Variants in MTX2 observed in about 807,000 individuals in gnomAD.
The protein encoded by MTX2 is metaxin-2.
A neutral mutation model predicts 42.3 loss-of-function variants in MTX2; 35 were observed. That is an observed-to-expected ratio of 0.83 (90% CI 0.63 to 1.10). MTX2 has a LOEUF of 1.10. Among genes scored for constraint, MTX2 ranks in the 50% least tolerant of loss-of-function variants. The pLI, the probability that MTX2 is intolerant of heterozygous loss-of-function variation, is 0.00. For missense variants in MTX2, 307 were observed against 304.1 expected (o/e 1.01, Z -0.07); for synonymous variants, 119 against 100.9 (o/e 1.18, Z -1.08).
In MTX2 at chr2:176,296,905, A is replaced by G; in HGVS notation, c.86A>G (p.Lys29Arg). 1.2e-6 allele frequency: 2 copies of G among 1,612,890 alleles called. No individual in the cohort carries two copies. Among genetic ancestry groups the G allele is most frequent in the East Asian group, 2.2e-5 (1 of 44,832 alleles). Reference protein sequence around the residue: ...PENATLYQQLKGEQILLSDNA... With the variant: ...PENATLYQQLRGEQILLSDNA... ...AATGCTACATTATATCAGCAATTGA[A>G]AGGTAAGTCTTGTTCACAATTAAAA... Residue 29 changes from lysine (K) to arginine (R), a missense_variant and splice_region_variant, in exon 2 of 10, where the codon AAA becomes AGA. Transcript: ENST00000249442.
chr2:176,304,527 C>A (rs11895720), intron 3 of MTX2, among the ~76,000 whole-genome samples: 40,456 of 151,770 alleles, frequency 0.27, 5,715 homozygotes, highest in African/African-American at 0.34. Context: ...CCTTAGATAC[C>A]TTATTTCAAT....
intron 1 of MTX2, among the ~76,000 whole-genome samples, chr2:176,296,269 T>TG (rs1683878628): frequency 6.6e-6 from 1 of 152,072 alleles, no homozygotes; most frequent in African/African-American, 2.4e-5. Context: ...ATTGTGTTTG[T>TG]GGGGTGGTGT....
intron 3 of MTX2, among the ~76,000 whole-genome samples, chr2:176,300,011 C>T (rs1161515814): frequency 6.6e-6 from 1 of 151,826 alleles, no homozygotes; most frequent in East Asian, 1.9e-4. Context: ...TAGCTATTTC[C>T]CCTTAGATTT....
chr2:176,304,953 C>T (rs1007150979), intron 3 of MTX2, among the ~76,000 whole-genome samples: 4 of 151,992 alleles, frequency 2.6e-5, no homozygotes, highest in South Asian at 2.1e-4. Flanking sequence ...GTGTTTATAA[C>T]GCCTTGAATC....
At chr2:176,319,038 C>G (rs553153982) in intron 3 of MTX2, among the ~76,000 whole-genome samples, 1 of 152,112 alleles carries the variant, frequency 6.6e-6, no homozygotes, top group Non-Finnish European at 1.5e-5. Context: ...ATAGGATGTG[C>G]TAAGTGTTTT....
chr2:176,270,496 TA>T, intron 1 of MTX2: 1 of 1,050,276 alleles, frequency 9.5e-7, no homozygotes, highest in Non-Finnish European at 1.3e-6. Flanking sequence ...GTGAGGAGAC[TA>T]AACATAGGTA....
intron 8 of MTX2, 74 bp from the exon 9 acceptor site, chr2:176,330,510 A>C: frequency 9.5e-7 from 1 of 1,050,434 alleles, no homozygotes. Flanking sequence ...ACTGTGATAC[A>C]AGTTACGTTT....
intron 1 of MTX2, among the ~76,000 whole-genome samples, chr2:176,279,903 C>T (rs886945495): frequency 6.6e-6 from 1 of 151,976 alleles, no homozygotes; most frequent in Non-Finnish European, 1.5e-5. Flanking sequence ...TTACAGAGTG[C>T]AGATTATAGA....
At chr2:176,287,369 TG>T (rs957887147) in intron 1 of MTX2, among the ~76,000 whole-genome samples, 2 of 152,198 alleles carry the variant, frequency 1.3e-5, no homozygotes, top group African/African-American at 4.8e-5. Flanking sequence ...ATCCCCAATT[TG>T]AAAGTCCAAA....
chr2:176,312,333 A>G (rs1684335441), intron 3 of MTX2, among the ~76,000 whole-genome samples: 1 of 152,180 alleles, frequency 6.6e-6, no homozygotes, highest in Non-Finnish European at 1.5e-5. Context: ...TATGCCAAGG[A>G]CTAAAGTAGT....
chr2:176,285,245 C>T (rs1463951420), intron 1 of MTX2, among the ~76,000 whole-genome samples: 1 of 152,030 alleles, frequency 6.6e-6, no homozygotes, highest in Non-Finnish European at 1.5e-5. Flanking sequence ...GTGTCTACCT[C>T]ATAAAGTTGT....
chr2:176,289,221 T>G (rs1411844016), intron 1 of MTX2, among the ~76,000 whole-genome samples: 1 of 152,086 alleles, frequency 6.6e-6, no homozygotes, highest in Non-Finnish European at 1.5e-5. Flanking sequence ...TGTTGCTTTA[T>G]CATGTGTGCA....
At chr2:176,293,672 C>T (rs981808285) in intron 1 of MTX2, among the ~76,000 whole-genome samples, 2 of 152,204 alleles carry the variant, frequency 1.3e-5, no homozygotes, top group African/African-American at 2.4e-5. Flanking sequence ...CTGCAGCTCT[C>T]ACCAGAAGCA....
intron 1 of MTX2, chr2:176,270,269 C>G: frequency 9.4e-7 from 1 of 1,064,744 alleles, no homozygotes; most frequent in Non-Finnish European, 1.2e-6. Flanking sequence ...TTCCCGGGTT[C>G]AAGCGATTCT....
intron 5 of MTX2, 33 bp downstream of exon 5, chr2:176,326,934 T>C (rs1486187378): frequency 7.9e-7 from 1 of 1,261,798 alleles, no homozygotes; most frequent in Non-Finnish European, 1.1e-6. Flanking sequence ...ATTTGATCAG[T>C]TACCAAGTCA....
At chr2:176,297,131 G>T (rs1364193252) in intron 2 of MTX2, among the ~76,000 whole-genome samples, 1 of 152,166 alleles carries the variant, frequency 6.6e-6, no homozygotes, top group South Asian at 2.1e-4. Context: ...TATATTGGCT[G>T]CTGTAGGCGG....
At chr2:176,318,425 A>G (rs1172219564) in intron 3 of MTX2, among the ~76,000 whole-genome samples, 2 of 152,200 alleles carry the variant, frequency 1.3e-5, no homozygotes, top group African/African-American at 2.4e-5. Context: ...ACGTGTACAT[A>G]TACATATGTG....
chr2:176,276,312 T>G (rs879480083), intron 1 of MTX2, among the ~76,000 whole-genome samples: 3 of 152,210 alleles, frequency 2.0e-5, no homozygotes, highest in Non-Finnish European at 4.4e-5. Context: ...TTGGTATAGG[T>G]CATATTGGCG....
intron 1 of MTX2, among the ~76,000 whole-genome samples, chr2:176,287,747 G>A (rs748449052): frequency 1.3e-5 from 2 of 152,050 alleles, no homozygotes; most frequent in Non-Finnish European, 2.9e-5. Flanking sequence ...TTGTATTTGT[G>A]TCTAATACTT....
Sources: gnomAD v4.1 joint callset for allele counts (sites outside exome capture counted in the v4.1 genomes callset) on GRCh38, gnomAD v4.1.1 for gene constraint, MANE v1.5 for transcripts, NCBI Gene and HGNC (gene_info 2026-07-23, HGNC 2026-07-21) for gene names.